Variants in CHD1L observed in about 807,000 individuals in gnomAD.
CHD1L encodes the protein ATP-dependent chromatin remodeler CHD1L.
A neutral mutation model predicts 115.9 loss-of-function variants in CHD1L; 118 were observed. The observed-to-expected ratio is 1.02, with a 90% CI of 0.88 to 1.19. CHD1L has a LOEUF of 1.19. Ranked by LOEUF, CHD1L falls within the 50% of genes most tolerant of loss-of-function variation. The pLI is 0.00. For synonymous variants in CHD1L, 411 were observed against 387.1 expected, an observed-to-expected ratio of 1.06 and a Z score of -0.72; for missense variants, 1,179 against 1,065.3, an observed-to-expected ratio of 1.11 and a Z score of -1.49.
chr1:147,215,713 C>T, the CHD1L span: 77 of 1,431,874 alleles, frequency 5.4e-5, no homozygotes, highest in East Asian at 1.7e-3. Flanking sequence ...ATTTACTTGG[C>T]AAACAACTTC....
the CHD1L span, among the ~76,000 whole-genome samples, chr1:147,202,382 T>C: frequency 0.094 from 13,426 of 142,592 alleles, 699 homozygotes; most frequent in African/African-American, 0.15. Context: ...TGCAGTGGCA[T>C]GATCTTGGCT....
the CHD1L span, chr1:147,201,484 G>A: frequency 1.5e-5 from 25 of 1,613,492 alleles, no homozygotes; most frequent in Non-Finnish European, 2.0e-5. Context: ...ATCATTTAAG[G>A]TTGGATGCTG....
chr1:147,206,802 T>C, the CHD1L span, among the ~76,000 whole-genome samples: 1 of 150,862 alleles, frequency 6.6e-6, no homozygotes, highest in African/African-American at 2.5e-5. Context: ...TTAGGAGATA[T>C]ATCTGATGTA....
At chr1:147,174,628 T>C in the CHD1L span, 1 of 152,328 alleles carries the variant, frequency 6.6e-6, no homozygotes, top group Admixed American at 6.5e-5. Context: ...GTTTTGAATA[T>C]TGCAGGTTTT....
At chr1:147,286,611 A>C (rs1277098090) in intron 18 of CHD1L, 111 bp downstream of exon 18, 1 of 772,936 alleles carries the variant, frequency 1.3e-6, no homozygotes, top group Admixed American at 2.9e-5. Flanking sequence ...AGTATTGTAC[A>C]GTCAAAAAAG....
the CHD1L span, among the ~76,000 whole-genome samples, chr1:147,191,822 G>C: frequency 6.6e-6 from 1 of 152,060 alleles, no homozygotes; most frequent in East Asian, 1.9e-4. Flanking sequence ...GATGGTTGTA[G>C]ACATGCGGCA....
At chr1:147,187,213 C>G in the CHD1L span, 43 of 1,613,196 alleles carry the variant, frequency 2.7e-5, no homozygotes, top group Non-Finnish European at 3.6e-5. Flanking sequence ...TATGTAGTCT[C>G]CCTGAATGGT....
Position 147,276,198 on chromosome 1 carries a change from A to C in CHD1L, c.1480A>C (p.Ile494Leu). 1 of 1,614,236 alleles carries C rather than the reference A, an allele frequency of 6.2e-7. No individual in the cohort carries two copies. The highest frequency in any genetic ancestry group is 8.5e-7 in the Non-Finnish European group (1 of 1,180,038). Residue 494 changes from isoleucine (I) to leucine (L), a missense_variant, in exon 14 of 23, where the codon ATA becomes CTA. Coordinates refer to ENST00000369258, the MANE Select transcript of CHD1L (RefSeq NM_004284.6). Reference protein sequence around the residue: ...ASKLQLTNMIIEGGHFTLGAQ... With the variant: ...ASKLQLTNMILEGGHFTLGAQ... The stretch of plus-strand genomic sequence containing the variant: ...CAAACTGCAGCTCACCAACATGATC[A>C]TAGAAGGAGGCCATTTTACTCTGGG...
chr1:147,241,955 A>C (rs2102187021), upstream of CHD1L, among the ~76,000 whole-genome samples: 1 of 152,310 alleles, frequency 6.6e-6, no homozygotes, highest in East Asian at 1.9e-4. Flanking sequence ...AAATAAGAAA[A>C]TATACTTAAA....
chr1:147,192,891 A>G, the CHD1L span, among the ~76,000 whole-genome samples: 1 of 152,174 alleles, frequency 6.6e-6, no homozygotes, highest in Non-Finnish European at 1.5e-5. Flanking sequence ...AAGCTTTTTG[A>G]TGAGCTGCTG....
the CHD1L span, among the ~76,000 whole-genome samples, chr1:147,209,330 C>G: frequency 3.2e-3 from 471 of 149,330 alleles, 2 homozygotes; most frequent in African/African-American, 0.011. Flanking sequence ...CCCAGCTACT[C>G]GGGAGGCTGA....
At chr1:147,276,433 G>C (rs1678511365) in intron 14 of CHD1L, among the ~76,000 whole-genome samples, 176 bp downstream of exon 14, 1 of 152,192 alleles carries the variant, frequency 6.6e-6, no homozygotes, top group Non-Finnish European at 1.5e-5. Context: ...GTAAGGATTA[G>C]TTCCAAGCCT....
the CHD1L span, chr1:147,203,330 C>A: frequency 6.3e-7 from 1 of 1,582,876 alleles, no homozygotes; most frequent in Non-Finnish European, 8.7e-7. Context: ...TTGGGCCCAC[C>A]ATCTGGTTTT....
chr1:147,282,074 A>G lies in CHD1L; in HGVS notation c.1705+1883A>G, dbSNP rs587647425. ...TTGGGGATCTCTTGTTCTCATCGAT[A>G]GTTTCCCCAACCGTCTGGTATTCCC... is the stretch of plus-strand genomic sequence containing the variant. On this transcript the variant is annotated intron_variant, in intron 15 of 22. Coordinates refer to ENST00000369258, the MANE Select transcript of CHD1L (RefSeq NM_004284.6). 2.8e-4 allele frequency among the ~76,000 whole-genome samples: 43 copies of G among 152,310 alleles called. No individual in the cohort carries two copies. In the South Asian group the frequency reaches 5.0e-3, roughly 18 times the overall value.
the CHD1L span, among the ~76,000 whole-genome samples, chr1:147,193,920 C>A: frequency 3.9e-5 from 6 of 152,066 alleles, no homozygotes; most frequent in African/African-American, 1.5e-4. Context: ...GAGTGCTTTA[C>A]TTCCAACTAT....
At chr1:147,229,402 G>T in the CHD1L span, among the ~76,000 whole-genome samples, 6 of 152,214 alleles carry the variant, frequency 3.9e-5, no homozygotes, top group African/African-American at 9.6e-5. Context: ...TGCTGTTTTG[G>T]TTACTGTAGC....
the CHD1L span, chr1:147,201,109 A>ATATGTTTACC: frequency 1.9e-5 from 26 of 1,401,694 alleles, no homozygotes; most frequent in African/African-American, 2.9e-5. Context: ...AGAGGTAAAC[A>ATATGTTTACC]TATCACCAAG....
chr1:147,287,503 G>A (rs989522674), intron 18 of CHD1L, 132 bp from the exon 19 acceptor site: 1 of 614,878 alleles, frequency 1.6e-6, no homozygotes, highest in African/African-American at 1.9e-5. Flanking sequence ...ATATTCCTAG[G>A]AGATAAGATA....
intron 1 of CHD1L, among the ~76,000 whole-genome samples, chr1:147,248,686 G>T (rs1003468678): frequency 6.6e-6 from 1 of 152,018 alleles, no homozygotes; most frequent in Admixed American, 6.6e-5. Context: ...TTTATTTACA[G>T]TGTTTTTTAG....
Sources: allele counts gnomAD v4.1 joint callset (sites outside exome capture counted in the v4.1 genomes callset), GRCh38; gene constraint gnomAD v4.1.1; transcripts MANE v1.5; gene names NCBI Gene and HGNC (gene_info 2026-07-23, HGNC 2026-07-21).